Variants in TEX9 observed in about 807,000 individuals in gnomAD.
The protein encoded by TEX9 is testis-expressed protein 9.
TEX9 carries 74 observed loss-of-function variants against 59.6 expected under a neutral mutation model. That is an observed-to-expected ratio of 1.24 (90% CI 1.03 to 1.51). The LOEUF is 1.51. TEX9 is among the 40% of genes most tolerant of loss of function. TEX9 has a pLI of 0.00. For missense variants in TEX9, 522 were observed against 447.8 expected (o/e 1.17, Z -1.49); for synonymous variants, 186 against 152.2 (o/e 1.22, Z -1.64).
chr15:56,436,534 A>G (rs1427343317), intron 12 of TEX9, among the ~76,000 whole-genome samples: 1 of 152,194 alleles, frequency 6.6e-6, no homozygotes, highest in African/African-American at 2.4e-5. Context: ...CCCTAACATC[A>G]CAATTAAAAG....
chr15:56,452,622 G>A, the TEX9 span, among the ~76,000 whole-genome samples: 6 of 151,290 alleles, frequency 4.0e-5, no homozygotes, highest in South Asian at 2.1e-4. Context: ...AGGTTCAAGC[G>A]ATTATCCTGC....
At chr15:56,398,253 A>G (rs1277611006) in intron 9 of TEX9, 2 of 152,148 alleles carry the variant, frequency 1.3e-5, no homozygotes, top group African/African-American at 4.8e-5. Context: ...TCTCTTTAAT[A>G]TTTTTTGTAT....
At chr15:56,316,821 C>T (rs1410742626) in intron 1 of TEX9, among the ~76,000 whole-genome samples, 3 of 152,222 alleles carry the variant, frequency 2.0e-5, no homozygotes, top group Non-Finnish European at 2.9e-5. Context: ...GCGTAGGACC[C>T]TCCAAGCCAG....
intron 1 of TEX9, among the ~76,000 whole-genome samples, chr15:56,322,743 G>T (rs906230832): frequency 6.6e-6 from 1 of 152,106 alleles, no homozygotes. Context: ...TCAAAGTTTT[G>T]CCAGATGTGT....
At chr15:56,450,188 G>A (rs1236110795), downstream of TEX9, among the ~76,000 whole-genome samples, 1 of 152,050 alleles carries the variant, frequency 6.6e-6, no homozygotes, top group African/African-American at 2.4e-5. Context: ...CTACCCTTGA[G>A]GAACAGCCTT....
chr15:56,275,624 T>TG (rs1347012939), intron 1 of TEX9, among the ~76,000 whole-genome samples: 1 of 152,338 alleles, frequency 6.6e-6, no homozygotes, highest in African/African-American at 2.4e-5. Context: ...GCCAGCCTCT[T>TG]GCCCTTTGTG....
intron 9 of TEX9, among the ~76,000 whole-genome samples, chr15:56,401,092 G>A (rs1467840666): frequency 6.6e-6 from 1 of 152,046 alleles, no homozygotes; most frequent in African/African-American, 2.4e-5. Context: ...AAAATAACCA[G>A]CTAACATCAT....
chr15:56,320,975 A>C (rs2045889125), intron 1 of TEX9, among the ~76,000 whole-genome samples: 1 of 152,160 alleles, frequency 6.6e-6, no homozygotes, highest in Admixed American at 6.5e-5. Flanking sequence ...GTGAATCATC[A>C]AAGTTTGTCA....
chr15:56,445,323 ATTTCT>A (rs2050888787), intron 12 of TEX9, among the ~76,000 whole-genome samples: 1 of 151,972 alleles, frequency 6.6e-6, no homozygotes, highest in Non-Finnish European at 1.5e-5. Flanking sequence ...TAAACCCCTT[ATTTCT>A]TTTGAGCATT....
downstream of TEX9, chr15:56,446,768 A>AT: frequency 8.6e-7 from 1 of 1,164,286 alleles, no homozygotes; most frequent in East Asian, 2.4e-5. Context: ...CAATATGACA[A>AT]TTTTTTAAGA....
At chr15:56,251,518 C>G (rs2044017074) in intron 1 of TEX9, among the ~76,000 whole-genome samples, 1 of 152,086 alleles carries the variant, frequency 6.6e-6, no homozygotes. Context: ...CGGATTGATT[C>G]CTTTTTTGGA....
chr15:56,341,887 T>C (rs1403738511), intron 1 of TEX9, among the ~76,000 whole-genome samples: 1 of 152,190 alleles, frequency 6.6e-6, no homozygotes, highest in Non-Finnish European at 1.5e-5. Context: ...CTGATGATTT[T>C]AGAGATAGAG....
intron 9 of TEX9, chr15:56,398,438 G>A (rs1197016927): frequency 6.6e-6 from 1 of 152,100 alleles, no homozygotes; most frequent in Non-Finnish European, 1.5e-5. Context: ...TTGGTCTAAA[G>A]GGAAAAAGCT....
chr15:56,439,829 AT>A (rs2050789533), intron 12 of TEX9, among the ~76,000 whole-genome samples: 1 of 151,988 alleles, frequency 6.6e-6, no homozygotes, highest in African/African-American at 2.4e-5. Flanking sequence ...AAATTCTTCA[AT>A]AACTAGGCGA....
intron 1 of TEX9, among the ~76,000 whole-genome samples, chr15:56,308,877 C>T (rs577723272): frequency 6.6e-6 from 1 of 152,062 alleles, no homozygotes; most frequent in South Asian, 2.1e-4. Flanking sequence ...GACTTTTTTT[C>T]CTGTATTCCC....
At chr15:56,301,677 C>G (rs537475357) in intron 1 of TEX9, among the ~76,000 whole-genome samples, 2 of 151,934 alleles carry the variant, frequency 1.3e-5, no homozygotes, top group Non-Finnish European at 2.9e-5. Context: ...AACTTTTACC[C>G]TAGAATACTA....
At chr15:56,394,384 T>A (rs754342673) in intron 8 of TEX9, 137 bp downstream of exon 8, 94 of 736,428 alleles carry the variant, frequency 1.3e-4, no homozygotes, top group Non-Finnish European at 2.0e-4. Context: ...ATATAAGTAC[T>A]GAACTTTATT....
chr15:56,356,994 A>G (rs2046697443), intron 1 of TEX9, among the ~76,000 whole-genome samples: 1 of 152,126 alleles, frequency 6.6e-6, no homozygotes, highest in African/African-American at 2.4e-5. Flanking sequence ...AGTCGGTCTA[A>G]TCAAAAGAGA....
chr15:56,438,070 A>C (rs1170578351), intron 12 of TEX9, among the ~76,000 whole-genome samples: 17 of 152,064 alleles, frequency 1.1e-4, no homozygotes, highest in East Asian at 3.8e-4. Context: ...AATGCCATCC[A>C]CATCAAGCTA....
Sources: allele counts gnomAD v4.1 joint callset (sites outside exome capture counted in the v4.1 genomes callset), GRCh38; gene constraint gnomAD v4.1.1; transcripts MANE v1.5; gene names NCBI Gene and HGNC (gene_info 2026-07-23, HGNC 2026-07-21).